SLC25A37: variants seen among roughly 807,000 people sequenced by gnomAD.
SLC25A37 encodes the protein mitoferrin-1.
SLC25A37 carries 17 observed loss-of-function variants against 31.0 expected under a neutral mutation model. The observed-to-expected ratio is 0.55, with a 90% CI of 0.38 to 0.82. SLC25A37 has a LOEUF of 0.82. Ranked by LOEUF, SLC25A37 falls within the 40% of genes least tolerant of loss-of-function variation. The probability of loss-of-function intolerance (pLI) is 0.00; values close to 1 mark genes in which losing one functional copy is unlikely to be tolerated. For synonymous variants in SLC25A37, 222 were observed against 193.0 expected, an observed-to-expected ratio of 1.15 and a Z score of -1.24; for missense variants, 404 against 465.8, an observed-to-expected ratio of 0.87 and a Z score of 1.22.
intron 3 of SLC25A37, among the ~76,000 whole-genome samples, chr8:23,569,430 C>T (rs1042710745): frequency 1.3e-5 from 2 of 152,148 alleles, no homozygotes; most frequent in Non-Finnish European, 2.9e-5. Context: ...CACACACACT[C>T]ACTCTCTTAG....
chr8:23,570,922 T>C (rs1802807831), intron 3 of SLC25A37, among the ~76,000 whole-genome samples: 2 of 151,882 alleles, frequency 1.3e-5, no homozygotes, highest in Non-Finnish European at 2.9e-5. Context: ...AGTAGATGTG[T>C]TGGGGAAGGA....
At position 23,571,375 on chromosome 8, in the gene SLC25A37, G is replaced by A. The variant is rs1802828131; in HGVS notation, c.537G>A (p.Arg179=). 2 of 1,610,316 alleles carry A rather than the reference G, an allele frequency of 1.2e-6. No homozygotes were observed. Among genetic ancestry groups the A allele is most frequent in the Non-Finnish European group, 1.7e-6 (2 of 1,178,028 alleles). The stretch of plus-strand genomic sequence containing the variant: ...TGCAGATGTACAACTCGCAGCACCG[G>A]TCAGCAATCAGCTGCATCCGGACGG... The part of the protein sequence containing the change: ...QRLQMYNSQH[R]SAISCIRTVW... Residue 179 remains arginine (R), a synonymous_variant, in exon 4 of 4, where the codon CGG becomes CGA. Transcript: ENST00000519973.
chr8:23,573,502 G>A lies in SLC25A37; in HGVS notation c.*1647G>A, dbSNP rs570797318. ...TCAGTGAGCCGGGTCCTGACCTGCCGCCACCCATCACGGTCAGCGTGGTGC... is the reference window on the plus strand; with the variant it reads ...TCAGTGAGCCGGGTCCTGACCTGCCACCACCCATCACGGTCAGCGTGGTGC... On this transcript the variant is annotated 3_prime_UTR_variant, in exon 4 of 4. Transcript: ENST00000519973. 4.2e-4 allele frequency: 93 copies of A among 223,746 alleles called. 1 individual carries two copies. The highest frequency in any genetic ancestry group is 4.5e-4 in the Non-Finnish European group (48 of 105,590). 13.9% of individuals were successfully genotyped at this position (223,746 alleles called of 1,614,324 possible). A position where few individuals can be genotyped will look rare whatever the true frequency, so the allele number is the denominator to read the frequency against.
At chr8:23,552,173 T>A (rs1802244755) in intron 1 of SLC25A37, among the ~76,000 whole-genome samples, 1 of 152,228 alleles carries the variant, frequency 6.6e-6, no homozygotes, top group Non-Finnish European at 1.5e-5. Flanking sequence ...CCATTTTGAT[T>A]AACCTAGGTG....
At chr8:23,550,945 C>T (rs73555541) in intron 1 of SLC25A37, among the ~76,000 whole-genome samples, 1,620 of 152,316 alleles carry the variant, frequency 0.011, 28 homozygotes, top group African/African-American at 0.035. Flanking sequence ...GGCTGTTGCC[C>T]CCAGGGCTGG....
rs370184867 is a variant in SLC25A37 at position 23,556,810 on chromosome 8, C to T, written c.211-9298C>T. Among the ~76,000 whole-genome samples the T allele has an allele frequency of 7.0e-4, 106 of 152,140 alleles. 1 individual carries two copies. The highest frequency in any genetic ancestry group is 2.3e-3 in the African/African-American group (96 of 41,490). On this transcript the variant is annotated intron_variant, in intron 1 of 3. Coordinates refer to ENST00000519973, the MANE Select transcript of SLC25A37 (RefSeq NM_016612.4). Reference sequence around the variant, plus strand: ...ATTTGTGCTGCTCTGCTCTTGCCTGCGACGTGTGGGAATGATGCTGAGTGA... The same window carrying T: ...ATTTGTGCTGCTCTGCTCTTGCCTGTGACGTGTGGGAATGATGCTGAGTGA...
chr8:23,554,285 A>G (rs7816824), intron 1 of SLC25A37, among the ~76,000 whole-genome samples: 1 of 152,170 alleles, frequency 6.6e-6, no homozygotes, highest in African/African-American at 2.4e-5. Context: ...ACCTGAGGCC[A>G]TACAATGTAT....
chr8:23,536,280 C>CT (rs897049323), intron 1 of SLC25A37, among the ~76,000 whole-genome samples: 1 of 152,124 alleles, frequency 6.6e-6, no homozygotes, highest in African/African-American at 2.4e-5. Context: ...ACTGTTGCCC[C>CT]TTTTTTTCCT....
At chr8:23,564,844 T>TCTAC (rs1225991612) in intron 1 of SLC25A37, among the ~76,000 whole-genome samples, 1 of 151,890 alleles carries the variant, frequency 6.6e-6, no homozygotes, top group Non-Finnish European at 1.5e-5. Context: ...TGTCTGTCTG[T>TCTAC]CTACCTACCT....
chr8:23,542,082 G>C (rs958012890), intron 1 of SLC25A37, among the ~76,000 whole-genome samples: 3 of 152,326 alleles, frequency 2.0e-5, no homozygotes, highest in Admixed American at 2.0e-4. Context: ...CTGAATTACA[G>C]TCAGCACCAC....
rs1418434977 is a variant in SLC25A37 at position 23,574,958 on chromosome 8, A to T, written c.*3103A>T. The T allele has an allele frequency of 3.3e-5, 5 of 152,466 alleles. No homozygotes were observed. Among genetic ancestry groups the T allele is most frequent in the Non-Finnish European group, 5.9e-5 (4 of 68,222 alleles). 9.4% of individuals were successfully genotyped at this position (152,466 alleles called of 1,614,324 possible). A position where few individuals can be genotyped will look rare whatever the true frequency, so the allele number is the denominator to read the frequency against. On this transcript the variant is annotated 3_prime_UTR_variant, in exon 4 of 4. Transcript: ENST00000519973. ...TGATTTGAGGTTCAACTACCTGTAG[A>T]TCAAAGCTTTATTTTAGAACGATAA...
intron 1 of SLC25A37, among the ~76,000 whole-genome samples, chr8:23,538,151 C>T (rs923748119): frequency 1.5e-4 from 23 of 151,296 alleles, no homozygotes; most frequent in African/African-American, 4.6e-4. Flanking sequence ...GAGGCCGAGG[C>T]GGGCAGATCA....
At position 23,572,663 on chromosome 8, in the gene SLC25A37, TTTTCC is replaced by T. The variant is rs1802895061; in HGVS notation, c.*812_*816del. On this transcript the variant is annotated 3_prime_UTR_variant, in exon 4 of 4. Coordinates refer to ENST00000519973, the MANE Select transcript of SLC25A37 (RefSeq NM_016612.4). ...TTCAATCAGCCACCTTCATGTGCCTTTTTCCTTTGTCTTTCCCCAAAATTCCAGGA... is the reference window on the plus strand; with the variant it reads ...TTCAATCAGCCACCTTCATGTGCCTTTTTGTCTTTCCCCAAAATTCCAGGA... The T allele has an allele frequency of 6.6e-6, 1 of 152,190 alleles. No individual in the cohort carries two copies. Among genetic ancestry groups the T allele is most frequent in the Non-Finnish European group, 1.5e-5 (1 of 68,018 alleles). The allele number at this position is 152,190 out of a possible 1,614,324, so 9.4% of individuals were successfully genotyped here.
intron 1 of SLC25A37, among the ~76,000 whole-genome samples, chr8:23,565,666 C>CA (rs1291182291): frequency 1.3e-5 from 2 of 152,314 alleles, no homozygotes; most frequent in East Asian, 3.9e-4. Flanking sequence ...TAAGTGAGGA[C>CA]ACAGAAGTCT....
intron 1 of SLC25A37, among the ~76,000 whole-genome samples, chr8:23,546,247 G>T (rs1802034663): frequency 6.6e-6 from 1 of 152,042 alleles, no homozygotes; most frequent in South Asian, 2.1e-4. Flanking sequence ...GTTGCAGTGA[G>T]CCGTGATCAT....
intron 1 of SLC25A37, among the ~76,000 whole-genome samples, chr8:23,542,758 T>A (rs1801931591): frequency 6.6e-6 from 1 of 150,452 alleles, no homozygotes; most frequent in Admixed American, 6.6e-5. Flanking sequence ...AAGAAGGCAT[T>A]GCGATCACAG....
At chr8:23,538,962 G>A (rs1563251798) in intron 1 of SLC25A37, among the ~76,000 whole-genome samples, 1 of 152,106 alleles carries the variant, frequency 6.6e-6, no homozygotes, top group South Asian at 2.1e-4. Flanking sequence ...GTCCTCAGTT[G>A]TGTTCCCTCC....
chr8:23,557,545 C>T (rs895297654), intron 1 of SLC25A37, among the ~76,000 whole-genome samples: 1 of 152,130 alleles, frequency 6.6e-6, no homozygotes, highest in Non-Finnish European at 1.5e-5. Flanking sequence ...GAGGGCTCTG[C>T]AGGAACCAGC....
At chr8:23,563,629 CAGA>C (rs1298521300) in intron 1 of SLC25A37, among the ~76,000 whole-genome samples, 1 of 152,152 alleles carries the variant, frequency 6.6e-6, no homozygotes, top group Non-Finnish European at 1.5e-5. Context: ...TGGGCTGGGC[CAGA>C]AGATGTTTTT....
Sources: allele counts gnomAD v4.1 joint callset (sites outside exome capture counted in the v4.1 genomes callset), GRCh38; gene constraint gnomAD v4.1.1; transcripts MANE v1.5; gene names NCBI Gene and HGNC (gene_info 2026-07-23, HGNC 2026-07-21).